Variants in GUCY1A2 observed in about 807,000 individuals in gnomAD.
The protein encoded by GUCY1A2 is guanylate cyclase 1 soluble subunit alpha 2.
In GUCY1A2, 27 loss-of-function variants were observed where a neutral mutation model predicts 63.5. The observed-to-expected ratio is 0.43, with a 90% CI of 0.31 to 0.59. The LOEUF is 0.59. Among genes scored for constraint, GUCY1A2 ranks in the 20% least tolerant of loss-of-function variants. The pLI is 0.11. For synonymous variants in GUCY1A2, 364 were observed against 343.5 expected (o/e 1.06, Z -0.66); for missense variants, 768 against 913.3 (o/e 0.84, Z 2.05).
At chr11:107,002,960 G>A (rs1335540333) in intron 1 of GUCY1A2, among the ~76,000 whole-genome samples, 4 of 152,104 alleles carry the variant, frequency 2.6e-5, no homozygotes, top group Non-Finnish European at 5.9e-5. Context: ...TATAAAGAAA[G>A]AAGTGTCCTC....
chr11:106,864,316 A>C (rs1456949545), intron 4 of GUCY1A2, among the ~76,000 whole-genome samples: 1 of 151,920 alleles, frequency 6.6e-6, no homozygotes, highest in African/African-American at 2.4e-5. Flanking sequence ...TTTATATATA[A>C]TTACATAAAA....
chr11:106,882,532 A>G (rs989104796), intron 4 of GUCY1A2, among the ~76,000 whole-genome samples: 2 of 152,030 alleles, frequency 1.3e-5, no homozygotes, highest in African/African-American at 4.8e-5. Flanking sequence ...TAATGGCTAT[A>G]GTAAGATAAA....
chr11:107,000,777 T>C (rs1861603512), intron 1 of GUCY1A2, among the ~76,000 whole-genome samples: 1 of 152,194 alleles, frequency 6.6e-6, no homozygotes, highest in South Asian at 2.1e-4. Flanking sequence ...TATCCTTTCC[T>C]TTTTAGAAAA....
intron 6 of GUCY1A2, among the ~76,000 whole-genome samples, chr11:106,731,082 C>A (rs958096277): frequency 1.3e-5 from 2 of 152,014 alleles, no homozygotes; most frequent in South Asian, 4.1e-4. Flanking sequence ...TTTTGGTGTG[C>A]AGATCTTTAG....
chr11:106,863,034 C>T (rs1859535152), intron 4 of GUCY1A2, among the ~76,000 whole-genome samples: 1 of 152,082 alleles, frequency 6.6e-6, no homozygotes, highest in African/African-American at 2.4e-5. Context: ...GCTGCCCCCT[C>T]TCACTGCTTA....
intron 4 of GUCY1A2, among the ~76,000 whole-genome samples, chr11:106,895,096 C>A (rs1240648174): frequency 6.6e-6 from 1 of 150,922 alleles, no homozygotes; most frequent in African/African-American, 2.4e-5. Flanking sequence ...CTGGACATTA[C>A]AAGAATAACA....
At chr11:106,929,316 T>C (rs1860570249) in intron 4 of GUCY1A2, among the ~76,000 whole-genome samples, 1 of 152,134 alleles carries the variant, frequency 6.6e-6, no homozygotes, top group African/African-American at 2.4e-5. Context: ...GGAGCAGAAA[T>C]TGTCTACTAA....
chr11:106,817,078 T>C (rs1454115057), intron 4 of GUCY1A2, among the ~76,000 whole-genome samples: 2 of 152,096 alleles, frequency 1.3e-5, no homozygotes, highest in Non-Finnish European at 2.9e-5. Context: ...GGAAGGAACA[T>C]TTAAATGTGG....
chr11:106,935,017 A>G (rs1004775746), intron 4 of GUCY1A2, among the ~76,000 whole-genome samples: 2 of 152,232 alleles, frequency 1.3e-5, no homozygotes, highest in Non-Finnish European at 2.9e-5. Flanking sequence ...CCAAACCTTC[A>G]TCAATCTGAC....
chr11:106,873,825 T>C (rs1859713370), intron 4 of GUCY1A2, among the ~76,000 whole-genome samples: 1 of 151,936 alleles, frequency 6.6e-6, no homozygotes, highest in Admixed American at 6.6e-5. Flanking sequence ...CAAAAGCTTT[T>C]CTTAATACGT....
chr11:106,713,586 A>C (rs1216313316), intron 6 of GUCY1A2, among the ~76,000 whole-genome samples: 1 of 137,206 alleles, frequency 7.3e-6, no homozygotes, highest in Non-Finnish European at 1.5e-5. Flanking sequence ...AGCTCACTGC[A>C]AGCTCCGTCT....
At chr11:106,846,950 A>T (rs1859281415) in intron 4 of GUCY1A2, among the ~76,000 whole-genome samples, 1 of 151,500 alleles carries the variant, frequency 6.6e-6, no homozygotes, top group South Asian at 2.1e-4. Flanking sequence ...GTCTCAAGGG[A>T]CCAAAAAGAG....
intron 3 of GUCY1A2, among the ~76,000 whole-genome samples, chr11:106,943,175 A>G (rs1387902370): frequency 6.6e-6 from 1 of 152,244 alleles, no homozygotes; most frequent in African/African-American, 2.4e-5. Context: ...TTAAACTTTA[A>G]TCTCAAAATT....
chr11:106,753,989 A>G (rs1004229157), intron 6 of GUCY1A2, among the ~76,000 whole-genome samples: 4 of 152,242 alleles, frequency 2.6e-5, no homozygotes, highest in African/African-American at 7.2e-5. Context: ...ATCCATGAGC[A>G]TGGAATGTTC....
rs987926886 is a variant in GUCY1A2 at position 106,675,809 on chromosome 11, T to A, written c.*11740A>T. ...AATTTATATGGTAGCTGCCTGTTTTTTCACAATTTCAAAATAAGTCAGTAT... is the reference window on the plus strand; with the variant it reads ...AATTTATATGGTAGCTGCCTGTTTTATCACAATTTCAAAATAAGTCAGTAT... On this transcript the variant is annotated 3_prime_UTR_variant, in exon 8 of 8. Transcript: ENST00000526355. The A allele has an allele frequency of 5.3e-6, 1 of 189,490 alleles. No individual in the cohort carries two copies. Among genetic ancestry groups the A allele is most frequent in the African/African-American group, 2.3e-5 (1 of 42,904 alleles). 11.7% of individuals were successfully genotyped at this position (189,490 alleles called of 1,614,324 possible). A position where few individuals can be genotyped will look rare whatever the true frequency, so the allele number is the denominator to read the frequency against.
intron 4 of GUCY1A2, among the ~76,000 whole-genome samples, chr11:106,917,585 C>T (rs1221563090): frequency 6.9e-6 from 1 of 144,600 alleles, no homozygotes; most frequent in African/African-American, 2.4e-5. Flanking sequence ...AAATGTGGCA[C>T]ATATACACCA....
chr11:106,811,086 A>C (rs1430291944), intron 4 of GUCY1A2, among the ~76,000 whole-genome samples: 2 of 152,092 alleles, frequency 1.3e-5, no homozygotes, highest in Admixed American at 1.3e-4. Context: ...AATATCACTC[A>C]ACTAGCATGT....
At chr11:106,806,642 T>A (rs959090311) in intron 5 of GUCY1A2, among the ~76,000 whole-genome samples, 3 of 152,148 alleles carry the variant, frequency 2.0e-5, no homozygotes, top group African/African-American at 7.2e-5. Flanking sequence ...TTACTGAAAA[T>A]TTGCCTTTCT....
chr11:106,996,243 T>C (rs1010202763), intron 1 of GUCY1A2, among the ~76,000 whole-genome samples: 6 of 151,958 alleles, frequency 3.9e-5, no homozygotes, highest in East Asian at 1.9e-4. Context: ...TGGCAACCCA[T>C]AGGAAAAAGA....
Sources: gnomAD v4.1 joint callset for allele counts (sites outside exome capture counted in the v4.1 genomes callset) on GRCh38, gnomAD v4.1.1 for gene constraint, MANE v1.5 for transcripts, NCBI Gene and HGNC (gene_info 2026-07-23, HGNC 2026-07-21) for gene names.